The following CDH13 variants were observed in gnomAD, a reference collection of about 807,000 sequenced individuals.
CDH13 encodes the protein cadherin 13.
A neutral mutation model predicts 63.8 loss-of-function variants in CDH13; 24 were observed. The observed-to-expected ratio is 0.38, with a 90% CI of 0.27 to 0.53. The LOEUF is 0.53. CDH13 is among the 20% of genes least tolerant of loss of function. The pLI, the probability that CDH13 is intolerant of heterozygous loss-of-function variation, is 0.85. For synonymous variants in CDH13, 503 were observed against 355.3 expected, an observed-to-expected ratio of 1.42 and a Z score of -4.67; for missense variants, 1,049 against 903.1, an observed-to-expected ratio of 1.16 and a Z score of -2.07.
intron 5 of CDH13, among the ~76,000 whole-genome samples, chr16:83,282,097 TG>T (rs1330310768): frequency 6.6e-6 from 1 of 151,994 alleles, no homozygotes; most frequent in Admixed American, 6.6e-5. Flanking sequence ...GGGAGAGAGA[TG>T]GGGGAATGGC....
chr16:83,350,671 C>T (rs556272170), intron 6 of CDH13, among the ~76,000 whole-genome samples: 3 of 152,194 alleles, frequency 2.0e-5, no homozygotes, highest in African/African-American at 7.2e-5. Context: ...TCCTGGTATT[C>T]ATAGCTGAGG....
At chr16:83,037,898 A>G (rs1288247505) in intron 3 of CDH13, among the ~76,000 whole-genome samples, 1 of 152,172 alleles carries the variant, frequency 6.6e-6, no homozygotes, top group Non-Finnish European at 1.5e-5. Flanking sequence ...TGGGCATAGC[A>G]CCAGACATCA....
In CDH13 at chr16:83,125,422, G is replaced by T; in HGVS notation, c.404G>T (p.Arg135Ile). 6.2e-7 allele frequency: 1 copy of T among 1,610,594 alleles called. No individual in the cohort carries two copies. The highest frequency in any genetic ancestry group is 8.5e-7 in the Non-Finnish European group (1 of 1,176,934). Residue 135 changes from arginine (R) to isoleucine (I), a missense_variant, in exon 4 of 14, where the codon AGA becomes ATA. Physicochemically the swap from Arg to Ile is moderately conservative, Grantham distance 97 (BLOSUM62 -3). Coordinates refer to ENST00000567109, the MANE Select transcript of CDH13 (RefSeq NM_001257.5). ...FKFARTSPVP[R>I]QKRSIVVSPI... ...TTTGCAAGAACTTCTCCTGTCCCAAGACAAAAGAGGTCCATTGTGGTATCT... is the reference window on the plus strand; with the variant it reads ...TTTGCAAGAACTTCTCCTGTCCCAATACAAAAGAGGTCCATTGTGGTATCT...
chr16:83,286,692 G>C (rs946881599), intron 5 of CDH13, among the ~76,000 whole-genome samples: 1 of 150,716 alleles, frequency 6.6e-6, no homozygotes, highest in Non-Finnish European at 1.5e-5. Context: ...GGAGGTGGAG[G>C]TTGCAGTGAA....
At chr16:83,039,541 G>T (rs559837457) in intron 3 of CDH13, among the ~76,000 whole-genome samples, 19 of 152,208 alleles carry the variant, frequency 1.2e-4, no homozygotes, top group Non-Finnish European at 2.4e-4. Flanking sequence ...TTCTTGTTCA[G>T]GTGTTTAATG....
intron 1 of CDH13, among the ~76,000 whole-genome samples, chr16:82,842,145 T>TATATATATATATATAC (rs1567590526): frequency 2.9e-4 from 8 of 27,590 alleles, no homozygotes; most frequent in African/African-American, 9.2e-4. Context: ...TATACACATA[T>TATATATATATATATAC]ATATATATAT....
At chr16:83,042,916 C>G (rs539406217) in intron 3 of CDH13, among the ~76,000 whole-genome samples, 4 of 152,192 alleles carry the variant, frequency 2.6e-5, no homozygotes, top group Admixed American at 2.6e-4. Flanking sequence ...TTAATATGCC[C>G]TGATTTAACA....
intron 1 of CDH13, among the ~76,000 whole-genome samples, chr16:82,818,309 C>G (rs971305869): frequency 1.3e-5 from 2 of 152,228 alleles, no homozygotes; most frequent in Middle Eastern, 3.4e-3. Context: ...AGTTGTGAAG[C>G]TGATATTCAA....
chr16:83,283,534 T>G (rs2089235644), intron 5 of CDH13, among the ~76,000 whole-genome samples: 1 of 152,152 alleles, frequency 6.6e-6, no homozygotes. Context: ...GAGTTTGCAG[T>G]GAGCCAAGAT....
chr16:83,291,939 T>C (rs1385725677), intron 5 of CDH13, among the ~76,000 whole-genome samples: 1 of 152,220 alleles, frequency 6.6e-6, no homozygotes, highest in Non-Finnish European at 1.5e-5. Flanking sequence ...CATACAAATT[T>C]ATCACATCAC....
At position 83,217,372 on chromosome 16, in the gene CDH13, T is replaced by A; in HGVS notation, c.511T>A (p.Ser171Thr). The change falls in exon 5 of 14, where the codon TCC becomes ACC. Residue 171 changes from serine (S) to threonine (T), a missense_variant. Coordinates refer to ENST00000567109, the MANE Select transcript of CDH13 (RefSeq NM_001257.5). Reference sequence around the variant, plus strand: ...AGTCGATAGTGACAGGCCAGAAAGGTCCAAGTTCCGGCTCACTGGAAAGGG... The same window carrying A: ...AGTCGATAGTGACAGGCCAGAAAGGACCAAGTTCCGGCTCACTGGAAAGGG... ...KVVDSDRPER[S>T]KFRLTGKGVD... is the part of the protein sequence containing the mutation. 4 of 1,613,822 alleles carry A rather than the reference T, an allele frequency of 2.5e-6. No individual in the cohort carries two copies. Among genetic ancestry groups the A allele is most frequent in the Non-Finnish European group, 2.5e-6 (3 of 1,179,816 alleles).
At chr16:83,456,130 G>A (rs1404927884) in intron 6 of CDH13, among the ~76,000 whole-genome samples, 1 of 152,184 alleles carries the variant, frequency 6.6e-6, no homozygotes, top group African/African-American at 2.4e-5. Context: ...AACACCAGTG[G>A]GGAGTCACCT....
chr16:82,712,089 A>G (rs1334103879), intron 1 of CDH13, among the ~76,000 whole-genome samples: 1 of 152,136 alleles, frequency 6.6e-6, no homozygotes, highest in African/African-American at 2.4e-5. Flanking sequence ...ATTTCGTCCA[A>G]ACTTACCATA....
intron 2 of CDH13, among the ~76,000 whole-genome samples, chr16:83,023,409 AT>A (rs1915527184): frequency 6.6e-6 from 1 of 152,010 alleles, no homozygotes; most frequent in South Asian, 2.1e-4. Flanking sequence ...ATATGTGTAT[AT>A]TTTTTGCCTT....
intron 4 of CDH13, among the ~76,000 whole-genome samples, chr16:83,182,769 AG>A (rs2038386476): frequency 6.6e-6 from 1 of 152,242 alleles, no homozygotes; most frequent in Admixed American, 6.5e-5. Context: ...AACCAAATTC[AG>A]ACAGTATTAA....
chr16:83,800,488 C>T lies in CDH13; in HGVS notation c.*5458C>T, dbSNP rs1399309627. 1 of 152,192 alleles carries T rather than the reference C, an allele frequency of 6.6e-6. No homozygotes were observed. Among genetic ancestry groups the T allele is most frequent in the Non-Finnish European group, 1.5e-5 (1 of 68,034 alleles). The allele number at this position is 152,192 out of a possible 1,614,324, so 9.4% of individuals were successfully genotyped here. ...TAAAAGTTAATCATGTTAAAATATT[C>T]AGTCTATGGCAGATGTCGCTCCTTT... On this transcript the variant is annotated 3_prime_UTR_variant, in exon 14 of 14. Coordinates refer to ENST00000567109, the MANE Select transcript of CDH13 (RefSeq NM_001257.5).
At chr16:82,667,198 G>T (rs1459509883) in intron 1 of CDH13, among the ~76,000 whole-genome samples, 1 of 152,204 alleles carries the variant, frequency 6.6e-6, no homozygotes, top group Non-Finnish European at 1.5e-5. Flanking sequence ...TAAGAGGTTG[G>T]CCTTGAGTCA....
chr16:82,794,813 G>C (rs8052963), intron 1 of CDH13, among the ~76,000 whole-genome samples: 52,816 of 151,878 alleles, frequency 0.35, 9,446 homozygotes, highest in East Asian at 0.49. Flanking sequence ...TCCTACTTTG[G>C]TTCCTTGGAG....
At chr16:83,305,788 A>G (rs2089860430) in intron 5 of CDH13, among the ~76,000 whole-genome samples, 2 of 152,198 alleles carry the variant, frequency 1.3e-5, no homozygotes, top group Admixed American at 1.3e-4. Flanking sequence ...AACAGATATT[A>G]TACTGTAAAG....
Sources: gnomAD v4.1 joint callset for allele counts (sites outside exome capture counted in the v4.1 genomes callset) on GRCh38, gnomAD v4.1.1 for gene constraint, MANE v1.5 for transcripts, NCBI Gene and HGNC (gene_info 2026-07-23, HGNC 2026-07-21) for gene names.